The following PLCE1 variants were observed in gnomAD, a reference collection of about 807,000 sequenced individuals.
PLCE1 encodes phospholipase C epsilon 1.
PLCE1 carries 119 observed loss-of-function variants against 242.8 expected under a neutral mutation model. That is an observed-to-expected ratio of 0.49 (90% CI 0.42 to 0.57). PLCE1 has a LOEUF of 0.57. Among genes scored for constraint, PLCE1 ranks in the 20% least tolerant of loss-of-function variants. The pLI, the probability that PLCE1 is intolerant of heterozygous loss-of-function variation, is 0.00. For synonymous variants in PLCE1, 945 were observed against 1,017.4 expected, an observed-to-expected ratio of 0.93 and a Z score of 1.35; for missense variants, 2,441 against 2,788.8, an observed-to-expected ratio of 0.88 and a Z score of 2.81.
intron 2 of PLCE1, among the ~76,000 whole-genome samples, chr10:94,052,309 A>G (rs1469342116): frequency 2.6e-5 from 4 of 152,184 alleles, no homozygotes; most frequent in South Asian, 2.1e-4. Context: ...ACTCACAAAG[A>G]GATAATAAAC....
intron 28 of PLCE1, chr10:94,315,401 AC>A (rs1427671664): frequency 2.2e-6 from 1 of 455,960 alleles, no homozygotes; most frequent in Non-Finnish European, 4.4e-6. Context: ...CGGGAAGGCA[AC>A]AAAGGGAGTT....
intron 4 of PLCE1, among the ~76,000 whole-genome samples, chr10:94,208,031 G>T (rs2049219071): frequency 6.6e-6 from 1 of 152,210 alleles, no homozygotes; most frequent in Admixed American, 6.5e-5. Flanking sequence ...CTGTCATAGA[G>T]GTGACTGATT....
intron 5 of PLCE1, among the ~76,000 whole-genome samples, chr10:94,228,841 G>A (rs768755077): frequency 6.6e-6 from 1 of 152,146 alleles, no homozygotes; most frequent in Non-Finnish European, 1.5e-5. Flanking sequence ...AGAACAGGAG[G>A]TTATATCCAG....
chr10:94,166,266 G>T (rs2047798705), intron 3 of PLCE1, among the ~76,000 whole-genome samples: 1 of 151,928 alleles, frequency 6.6e-6, no homozygotes, highest in Admixed American at 6.6e-5. Context: ...CTATATTTTT[G>T]CAAGAGTTTC....
intron 1 of PLCE1, among the ~76,000 whole-genome samples, chr10:94,024,849 C>T (rs895549518): frequency 3.3e-5 from 5 of 152,104 alleles, no homozygotes; most frequent in Admixed American, 6.6e-5. Context: ...TGTTATTTCA[C>T]TCTTCTGTAC....
chr10:94,045,638 T>A (rs1280888459), intron 2 of PLCE1, among the ~76,000 whole-genome samples: 1 of 152,240 alleles, frequency 6.6e-6, no homozygotes, highest in Non-Finnish European at 1.5e-5. Flanking sequence ...CTGTGTCACC[T>A]AGTAGGTTCT....
intron 1 of PLCE1, among the ~76,000 whole-genome samples, chr10:94,007,579 T>C (rs936237490): frequency 1.8e-3 from 260 of 141,304 alleles, no homozygotes; most frequent in African/African-American, 6.3e-3. Context: ...CTCTCTCTTT[T>C]TTTTTTTTTT....
At chr10:94,202,985 T>C (rs753304745) in intron 4 of PLCE1, among the ~76,000 whole-genome samples, 2 of 152,242 alleles carry the variant, frequency 1.3e-5, no homozygotes, top group Non-Finnish European at 2.9e-5. Context: ...CGCTCTAACC[T>C]GACTTAGGTG....
At chr10:94,062,343 A>T (rs890557099) in intron 2 of PLCE1, among the ~76,000 whole-genome samples, 1 of 151,962 alleles carries the variant, frequency 6.6e-6, no homozygotes, top group Non-Finnish European at 1.5e-5. Context: ...TGCAGTGGCT[A>T]TTCACAGATG....
intron 4 of PLCE1, among the ~76,000 whole-genome samples, chr10:94,220,008 A>G (rs1564799769): frequency 6.6e-6 from 1 of 152,056 alleles, no homozygotes; most frequent in East Asian, 1.9e-4. Context: ...AAGCACAGCA[A>G]GGAGTTCAAG....
At chr10:94,269,155 A>G (rs1054479638) in intron 17 of PLCE1, 119 bp downstream of exon 17, 14 of 573,796 alleles carry the variant, frequency 2.4e-5, no homozygotes, top group Admixed American at 8.8e-5. Flanking sequence ...AGGCTGGAGT[A>G]GAGTGGTACC....
At chr10:94,089,163 G>A in intron 2 of PLCE1, 1 of 1,614,024 alleles carries the variant, frequency 6.2e-7, no homozygotes. Context: ...AGCTCCACGT[G>A]AGATTCTGCA....
chr10:94,283,089 G>C (rs940086442), intron 20 of PLCE1: 1 of 151,828 alleles, frequency 6.6e-6, no homozygotes, highest in Non-Finnish European at 1.5e-5. Context: ...CATTTTAAAA[G>C]GTCATCATCA....
intron 22 of PLCE1, among the ~76,000 whole-genome samples, chr10:94,293,033 A>G (rs1213715165): frequency 6.6e-6 from 1 of 152,214 alleles, no homozygotes; most frequent in Non-Finnish European, 1.5e-5. Context: ...AGTTCCTATC[A>G]TTACACACAT....
At chr10:94,040,535 T>A (rs1413351754) in intron 2 of PLCE1, among the ~76,000 whole-genome samples, 2 of 152,180 alleles carry the variant, frequency 1.3e-5, no homozygotes, top group Non-Finnish European at 1.5e-5. Flanking sequence ...AGCAGGGCCA[T>A]CACTAGGGTG....
chr10:94,311,944 C>T (rs2053399208), intron 27 of PLCE1, among the ~76,000 whole-genome samples: 1 of 152,094 alleles, frequency 6.6e-6, no homozygotes, highest in African/African-American at 2.4e-5. Flanking sequence ...AAGCAGAGAG[C>T]TCATGGGTCA....
At chr10:94,165,045 A>G (rs1334191374) in intron 3 of PLCE1, among the ~76,000 whole-genome samples, 2 of 152,110 alleles carry the variant, frequency 1.3e-5, no homozygotes, top group Non-Finnish European at 2.9e-5. Context: ...GTCTGCCCCT[A>G]CTATGGGGAT....
chr10:94,325,321 G>A, intron 32 of PLCE1: 1 of 471,460 alleles, frequency 2.1e-6, no homozygotes, highest in East Asian at 4.3e-5. Context: ...GAAAGAGGCT[G>A]GGCGTGGTGG....
At chr10:94,152,642 T>TA (rs2047310291) in intron 3 of PLCE1, among the ~76,000 whole-genome samples, 1 of 152,256 alleles carries the variant, frequency 6.6e-6, no homozygotes, top group South Asian at 2.1e-4. Flanking sequence ...AATGGAATGC[T>TA]AATTGTACGT....
Sources: gnomAD v4.1 joint callset for allele counts (sites outside exome capture counted in the v4.1 genomes callset) on GRCh38, gnomAD v4.1.1 for gene constraint, MANE v1.5 for transcripts, NCBI Gene and HGNC (gene_info 2026-07-23, HGNC 2026-07-21) for gene names.